GPR149: variants seen among roughly 807,000 people sequenced by gnomAD.
The protein encoded by GPR149 is probable G protein-coupled receptor 149.
GPR149 carries 50 observed loss-of-function variants against 50.2 expected under a neutral mutation model. That is an observed-to-expected ratio of 1.00 (90% confidence interval 0.79 to 1.26). The LOEUF is 1.26. Among genes scored for constraint, GPR149 ranks in the 50% most tolerant of loss-of-function variants. GPR149 has a pLI of 0.00. For synonymous variants in GPR149, 405 were observed against 358.2 expected, an observed-to-expected ratio of 1.13 and a Z score of -1.48; for missense variants, 983 against 895.4, an observed-to-expected ratio of 1.10 and a Z score of -1.25.
intron 3 of GPR149, among the ~76,000 whole-genome samples, chr3:154,385,364 G>A (rs1291582067): frequency 1.3e-5 from 2 of 152,134 alleles, no homozygotes; most frequent in African/African-American, 4.8e-5. Flanking sequence ...ATCAGAAGAG[G>A]CACTCTTACT....
At chr3:154,386,923 T>A (rs1016288870) in intron 3 of GPR149, among the ~76,000 whole-genome samples, 1 of 152,122 alleles carries the variant, frequency 6.6e-6, no homozygotes, top group African/African-American at 2.4e-5. Context: ...TCAACTGGGA[T>A]AAATTCAGCT....
chr3:154,347,553 A>C lies in GPR149; in HGVS notation c.1624-9282T>G, dbSNP rs144194977. 1.4e-3 allele frequency among the ~76,000 whole-genome samples: 212 copies of C among 152,342 alleles called. 1 individual carries two copies. Among genetic ancestry groups the C allele is most frequent in the African/African-American group, 5.0e-3 (209 of 41,580 alleles). On this transcript the variant is annotated intron_variant, in intron 3 of 3. Coordinates refer to ENST00000389740, the MANE Select transcript of GPR149 (RefSeq NM_001038705.3). ...AATTCAAGATGAGATTTAGGTGGGGACACCGCCAAACCATATTACATGTGA... is the reference window on the plus strand; with the variant it reads ...AATTCAAGATGAGATTTAGGTGGGGCCACCGCCAAACCATATTACATGTGA...
rs1713638878 is a variant in GPR149 at position 154,335,672 on chromosome 3, GA to G, written c.*2026del. On this transcript the variant is annotated 3_prime_UTR_variant, in exon 4 of 4. Coordinates refer to ENST00000389740, the MANE Select transcript of GPR149 (RefSeq NM_001038705.3). ...TGTCCAGTTAAAATAAAATGAGACG[GA>G]AAATGGGTATTATTGTCTTCTATCT... 6.6e-6 allele frequency: 1 copy of G among 152,064 alleles called. No homozygotes were observed. The highest frequency in any genetic ancestry group is 1.5e-5 in the Non-Finnish European group (1 of 67,958). The allele number at this position is 152,064 out of a possible 1,614,324, so 9.4% of individuals were successfully genotyped here. A position where few individuals can be genotyped will look rare whatever the true frequency, so the allele number is the denominator to read the frequency against.
At chr3:154,388,447 C>G (rs1715094856) in intron 3 of GPR149, among the ~76,000 whole-genome samples, 1 of 152,148 alleles carries the variant, frequency 6.6e-6, no homozygotes, top group South Asian at 2.1e-4. Context: ...GTCTCTGTCT[C>G]TCTTTCTCCC....
At chr3:154,405,980 G>T (rs1711675689) in intron 3 of GPR149, among the ~76,000 whole-genome samples, 1 of 151,484 alleles carries the variant, frequency 6.6e-6, no homozygotes. Flanking sequence ...AAATCAAAAG[G>T]TATCTGATAA....
At chr3:154,369,870 G>C (rs1714622156) in intron 3 of GPR149, among the ~76,000 whole-genome samples, 1 of 152,196 alleles carries the variant, frequency 6.6e-6, no homozygotes, top group African/African-American at 2.4e-5. Context: ...GGCAATTTGG[G>C]GATCTGTGGT....
intron 2 of GPR149, among the ~76,000 whole-genome samples, chr3:154,424,780 A>G (rs954799313): frequency 1.3e-5 from 2 of 151,752 alleles, no homozygotes; most frequent in Non-Finnish European, 2.9e-5. Flanking sequence ...GCTTTTAGTC[A>G]CATCTTGCCA....
intron 3 of GPR149, among the ~76,000 whole-genome samples, chr3:154,376,956 T>C (rs1714805949): frequency 6.8e-6 from 1 of 148,012 alleles, no homozygotes. Flanking sequence ...TAAGGTGAAA[T>C]AATGAAATAA....
In GPR149 at chr3:154,338,110, T is replaced by G; in HGVS notation, c.1785A>C (p.Lys595Asn). 6.2e-7 allele frequency: 1 copy of G among 1,614,144 alleles called. No homozygotes were observed. The highest frequency in any genetic ancestry group is 8.5e-7 in the Non-Finnish European group (1 of 1,180,012). ...ASKKIEVYRS[K>N]SVGHEPNSED... ...CTGAGTTTGGTTCATGGCCAACACT[T>G]TTGGATCGATAGACTTCTATTTTCT... The change falls in exon 4 of 4, where the codon AAA becomes AAC. Residue 595 changes from lysine to asparagine, a missense_variant. Coordinates refer to ENST00000389740, the MANE Select transcript of GPR149 (RefSeq NM_001038705.3).
intron 3 of GPR149, among the ~76,000 whole-genome samples, chr3:154,341,907 A>C (rs1713807814): frequency 6.6e-6 from 1 of 152,236 alleles, no homozygotes. Context: ...GTATACCCTG[A>C]AGATGGCATT....
chr3:154,405,585 C>CAAAAAAAAAAAA (rs33943436), intron 3 of GPR149, among the ~76,000 whole-genome samples: 2 of 83,480 alleles, frequency 2.4e-5, no homozygotes, highest in Non-Finnish European at 4.2e-5. Context: ...AAGACTCCAT[C>CAAAAAAAAAAAA]AAAAAAAAAA....
chr3:154,360,870 A>G (rs546237147), intron 3 of GPR149, among the ~76,000 whole-genome samples: 1 of 152,292 alleles, frequency 6.6e-6, no homozygotes, highest in East Asian at 1.9e-4. Flanking sequence ...TATTTTTATT[A>G]AAAACAATAA....
At chr3:154,427,018 T>C (rs545697127) in intron 2 of GPR149, among the ~76,000 whole-genome samples, 1 of 152,006 alleles carries the variant, frequency 6.6e-6, no homozygotes, top group African/African-American at 2.4e-5. Flanking sequence ...ATACTAGCAG[T>C]AAAACAACAA....
intron 3 of GPR149, among the ~76,000 whole-genome samples, chr3:154,381,221 A>G (rs1714915137): frequency 1.3e-5 from 2 of 152,194 alleles, no homozygotes; most frequent in African/African-American, 4.8e-5. Context: ...CCCTTGGAGA[A>G]GGTCACTGTA....
At chr3:154,338,604 C>G (rs1053897399) in intron 3 of GPR149, among the ~76,000 whole-genome samples, 1 of 152,178 alleles carries the variant, frequency 6.6e-6, no homozygotes, top group Non-Finnish European at 1.5e-5. Context: ...TGCATATTTA[C>G]AATCTGAAAT....
At chr3:154,356,945 C>T (rs1714248512) in intron 3 of GPR149, among the ~76,000 whole-genome samples, 1 of 152,160 alleles carries the variant, frequency 6.6e-6, no homozygotes, top group Admixed American at 6.5e-5. Context: ...TACAAGCCTA[C>T]AGTAACCAAA....
At chr3:154,413,841 G>A (rs1314670255) in intron 3 of GPR149, among the ~76,000 whole-genome samples, 1 of 151,640 alleles carries the variant, frequency 6.6e-6, no homozygotes, top group Non-Finnish European at 1.5e-5. Context: ...ATATGAAAAA[G>A]ATACTTGCAC....
chr3:154,403,623 C>G (rs1049496361), intron 3 of GPR149, among the ~76,000 whole-genome samples: 3 of 152,054 alleles, frequency 2.0e-5, no homozygotes, highest in Non-Finnish European at 4.4e-5. Flanking sequence ...TGATAGGGAT[C>G]CTCCCAGCCT....
At chr3:154,357,943 T>A (rs1460625537) in intron 3 of GPR149, among the ~76,000 whole-genome samples, 1 of 152,154 alleles carries the variant, frequency 6.6e-6, no homozygotes, top group East Asian at 1.9e-4. Context: ...ATATACACCA[T>A]GGAATACTAT....
Sources: allele counts gnomAD v4.1 joint callset (sites outside exome capture counted in the v4.1 genomes callset), GRCh38; gene constraint gnomAD v4.1.1; transcripts MANE v1.5; gene names NCBI Gene and HGNC (gene_info 2026-07-23, HGNC 2026-07-21).